INPP1: variants seen among roughly 807,000 people sequenced by gnomAD.
INPP1 encodes the protein inositol polyphosphate-1-phosphatase.
Under a neutral mutation model 23.0 loss-of-function variants are expected in INPP1, and 18 were observed. That is an observed-to-expected ratio of 0.78 (90% CI 0.54 to 1.16). INPP1 has a LOEUF of 1.16. Among genes scored for constraint, INPP1 ranks in the 50% most tolerant of loss-of-function variants. INPP1 has a pLI of 0.00. For missense variants in INPP1, 448 were observed against 482.1 expected (o/e 0.93, Z 0.66); for synonymous variants, 164 against 176.3 (o/e 0.93, Z 0.55).
chr2:190,349,203 C>T (rs56194683), intron 2 of INPP1, among the ~76,000 whole-genome samples, 172 bp downstream of exon 2: 2 of 152,008 alleles, frequency 1.3e-5, no homozygotes, highest in Non-Finnish European at 2.9e-5. Flanking sequence ...TTTGGGAGGC[C>T]GAGGTGGGCA....
Position 190,360,154 on chromosome 2 carries a change from A to G in INPP1, c.52A>G (p.Ile18Val), listed in dbSNP as rs200393365. ...CTGTGTCTCTGAGAAGGCTGCTAAC[A>G]TTGCCCGGGCGTGCAGACAGCAGGA... is the stretch of plus-strand genomic sequence containing the variant. ...LLCVSEKAAN[I>V]ARACRQQEAL... The change falls in exon 3 of 7, where the codon ATT becomes GTT. Residue 18 changes from isoleucine (I) to valine (V), a missense_variant. Ile to Val is a conservative substitution (Grantham distance 29). Transcript: ENST00000392329. 44 of 1,614,092 alleles carry G rather than the reference A, an allele frequency of 2.7e-5. No individual in the cohort carries two copies. The East Asian group carries it at 5.3e-4, about 20-fold the overall frequency.
intron 4 of INPP1, chr2:190,365,014 T>C (rs1458629533): frequency 6.1e-6 from 1 of 164,300 alleles, no homozygotes; most frequent in Non-Finnish European, 1.5e-5. Context: ...TAGGAGTATC[T>C]AAAACGTTCC....
At chr2:190,366,961 G>C in intron 5 of INPP1, 66 bp downstream of exon 5, 4 of 1,037,760 alleles carry the variant, frequency 3.9e-6, no homozygotes, top group Non-Finnish European at 5.9e-6. Context: ...GTTGGGGATG[G>C]GTGTTGGAAA....
intron 6 of INPP1, 33 bp downstream of exon 6, chr2:190,369,310 T>A (rs755560479): frequency 8.4e-6 from 11 of 1,315,176 alleles, no homozygotes; most frequent in Non-Finnish European, 1.2e-5. Flanking sequence ...ATATTATGGT[T>A]GTTAGAACTT....
In INPP1 at chr2:190,358,072, ATTTTTTT is replaced by A. The variant is rs749071988; in HGVS notation, c.-64-1948_-64-1942del. Among the ~76,000 whole-genome samples, 590 of 111,402 alleles carry A rather than the reference ATTTTTTT, an allele frequency of 5.3e-3. 2 individuals are homozygous for A. The highest frequency in any genetic ancestry group is 0.019 in the African/African-American group (535 of 27,800). 73.1% of individuals were successfully genotyped at this position (111,402 alleles called of 152,430 possible). On this transcript the variant is annotated intron_variant, in intron 2 of 6. Transcript: ENST00000392329. ...CAGCCTCCCAGAGTCCATTAAGGGA[ATTTTTTT>A]TTTTTTTTTTTTTTTTTTGAGACAG...
intron 2 of INPP1, among the ~76,000 whole-genome samples, chr2:190,358,166 G>A (rs753410535): frequency 4.3e-5 from 6 of 140,108 alleles, no homozygotes; most frequent in Non-Finnish European, 9.1e-5. Flanking sequence ...TGCAACCTCC[G>A]CCTCCCAGGT....
intron 6 of INPP1, 81 bp from the exon 7 acceptor site, chr2:190,370,763 C>T (rs1416589381): frequency 3.3e-6 from 3 of 909,992 alleles, no homozygotes; most frequent in African/African-American, 1.7e-5. Context: ...TGTATTTCTT[C>T]GTATCATTAA....
At chr2:190,349,993 C>A (rs955137094) in intron 2 of INPP1, among the ~76,000 whole-genome samples, 1 of 152,096 alleles carries the variant, frequency 6.6e-6, no homozygotes, top group African/African-American at 2.4e-5. Context: ...TACAGGCATG[C>A]GCCACCACGC....
chr2:190,346,340 C>T lies in INPP1; in HGVS notation c.-209+2379C>T, dbSNP rs1689214709. Among the ~76,000 whole-genome samples, 1 of 152,176 alleles carries T rather than the reference C, an allele frequency of 6.6e-6. No individual in the cohort carries two copies. Among genetic ancestry groups the T allele is most frequent in the African/African-American group, 2.4e-5 (1 of 41,446 alleles). Reference sequence around the variant, plus strand: ...GATAAAACTTATTAGGACTCCTGTACATAAAATGTTCATATATGGAAACTG... The same window carrying T: ...GATAAAACTTATTAGGACTCCTGTATATAAAATGTTCATATATGGAAACTG... On this transcript the variant is annotated intron_variant, in intron 1 of 6. Coordinates refer to ENST00000392329, the MANE Select transcript of INPP1 (RefSeq NM_001128928.2). The surrounding 1 kb of genome is among the most constrained non-coding windows in gnomAD (Gnocchi z 5.1).
Position 190,370,801 on chromosome 2 carries a change from A to C in INPP1, c.642-43A>C, listed in dbSNP as rs754432897. 21 of 1,433,076 alleles carry C rather than the reference A, an allele frequency of 1.5e-5. No individual in the cohort carries two copies. The South Asian group carries it at 2.2e-4, about 15-fold the overall frequency. The allele number at this position is 1,433,076 out of a possible 1,614,324, so 88.8% of individuals were successfully genotyped here. A position where few individuals can be genotyped will look rare whatever the true frequency, so the allele number is the denominator to read the frequency against. ...TTGAAAGTGACATGAGTAATGAAAA[A>C]CAAATGTGATAATCATCACCAATTG... is the stretch of plus-strand genomic sequence containing the variant. On this transcript the variant is annotated intron_variant, in intron 6 of 6. Coordinates refer to ENST00000392329, the MANE Select transcript of INPP1 (RefSeq NM_001128928.2).
At chr2:190,359,957 A>G in intron 2 of INPP1, 82 bp from the exon 3 acceptor site, 1 of 702,220 alleles carries the variant, frequency 1.4e-6, no homozygotes, top group Admixed American at 2.6e-5. Flanking sequence ...GTTGACTGCC[A>G]AATGGGTTGT....
chr2:190,356,652 T>C lies in INPP1; in HGVS notation c.-64-3387T>C, dbSNP rs1256736795. ...TCGCCTGAGTGTTATTAGGGTGTTATAAGGAGTGTTTCTTGGTTATTCAAC... is the reference window on the plus strand; with the variant it reads ...TCGCCTGAGTGTTATTAGGGTGTTACAAGGAGTGTTTCTTGGTTATTCAAC... On this transcript the variant is annotated intron_variant, in intron 2 of 6. Coordinates refer to ENST00000392329, the MANE Select transcript of INPP1 (RefSeq NM_001128928.2). The surrounding 1 kb of genome is among the most constrained non-coding windows in gnomAD (Gnocchi z 6.4). 1 of 152,202 alleles carries C rather than the reference T, an allele frequency of 6.6e-6. No homozygotes were observed. Among genetic ancestry groups the C allele is most frequent in the Admixed American group, 6.5e-5 (1 of 15,286 alleles). The allele number at this position is 152,202 out of a possible 1,614,324, so 9.4% of individuals were successfully genotyped here. A position where few individuals can be genotyped will look rare whatever the true frequency, so the allele number is the denominator to read the frequency against.
chr2:190,349,243 GC>G (rs2124915213), intron 2 of INPP1, among the ~76,000 whole-genome samples: 1 of 152,264 alleles, frequency 6.6e-6, no homozygotes, highest in South Asian at 2.1e-4. Context: ...TTTGAGACCA[GC>G]CTTGCCAACA....
rs936841373 is a variant in INPP1, at chr2:190,354,230, C to T, written c.-65+5199C>T. ...CTGCCTCACAGATGTTTCTTATTGA[C>T]GACATAAATGGGGAGGAAAACACTA... On this transcript the variant is annotated intron_variant, in intron 2 of 6. Coordinates refer to ENST00000392329, the MANE Select transcript of INPP1 (RefSeq NM_001128928.2). This position sits in a 1 kb window ranked among gnomAD's most constrained non-coding sequence, Gnocchi z 4.8. 1.3e-5 allele frequency among the ~76,000 whole-genome samples: 2 copies of T among 152,104 alleles called. No individual in the cohort carries two copies. The highest frequency in any genetic ancestry group is 2.9e-5 in the Non-Finnish European group (2 of 68,034).
chr2:190,371,074 G>A lies in INPP1; in HGVS notation c.872G>A (p.Gly291Asp). ...GDRIFGAAGAGYKSLCVVQGL... is the reference protein window; with the variant it reads ...GDRIFGAAGADYKSLCVVQGL... ...CGCATATTTGGGGCAGCTGGGGCTGGTTATAAGAGCCTATGTGTTGTCCAA... is the reference window on the plus strand; with the variant it reads ...CGCATATTTGGGGCAGCTGGGGCTGATTATAAGAGCCTATGTGTTGTCCAA... Residue 291 changes from glycine to aspartate, a missense_variant, in exon 7 of 7, where the codon GGT becomes GAT. Gly to Asp is a moderately conservative substitution (Grantham distance 94). Transcript: ENST00000392329. This position sits in a 1 kb window ranked among gnomAD's most constrained non-coding sequence, Gnocchi z 5.3. 2 of 1,614,092 alleles carry A rather than the reference G, an allele frequency of 1.2e-6. No individual in the cohort carries two copies. The highest frequency in any genetic ancestry group is 1.7e-6 in the Non-Finnish European group (2 of 1,180,026).
rs11286107 is a variant in INPP1, at chr2:190,354,948, AT to A, written c.-64-5077del. ...GGGGTGTGTGTGTGTGTGTGTGTGCATTTTTTTTTTTTTTGCTATATAATGT... is the reference window on the plus strand; with the variant it reads ...GGGGTGTGTGTGTGTGTGTGTGTGCATTTTTTTTTTTTTGCTATATAATGT... On this transcript the variant is annotated intron_variant, in intron 2 of 6. Coordinates refer to ENST00000392329, the MANE Select transcript of INPP1 (RefSeq NM_001128928.2). The surrounding 1 kb of genome is among the most constrained non-coding windows in gnomAD (Gnocchi z 4.8). Among the ~76,000 whole-genome samples the A allele has an allele frequency of 0.26, 36,644 of 142,324 alleles. 4,832 individuals are homozygous for A. The highest frequency in any genetic ancestry group is 0.5 in the East Asian group (2,441 of 4,882). The allele number at this position is 142,324 out of a possible 152,430, so 93.4% of individuals were successfully genotyped here. A position where few individuals can be genotyped will look rare whatever the true frequency, so the allele number is the denominator to read the frequency against.
chr2:190,364,321 C>T (rs192231043), intron 4 of INPP1, among the ~76,000 whole-genome samples: 2,366 of 151,982 alleles, frequency 0.016, 36 homozygotes, highest in Non-Finnish European at 0.023. Flanking sequence ...GGGTGGATCA[C>T]AAGGTCAGGA....
Position 190,345,241 on chromosome 2 carries a change from C to T in INPP1, c.-209+1280C>T, listed in dbSNP as rs533323593. Among the ~76,000 whole-genome samples the T allele has an allele frequency of 7.7e-4, 117 of 152,204 alleles. No homozygotes were observed. Among genetic ancestry groups the T allele is most frequent in the Non-Finnish European group, 7.2e-4 (49 of 68,008 alleles). On this transcript the variant is annotated intron_variant, in intron 1 of 6. Transcript: ENST00000392329. This position sits in a 1 kb window ranked among gnomAD's most constrained non-coding sequence, Gnocchi z 4.9. ...GTACTTTTTGTGTAGAATAAGCTAC[C>T]ACTTTTCAAGCTTTTGGACTAAACC...
At chr2:190,369,026 G>A in intron 5 of INPP1, 77 bp from the exon 6 acceptor site, 1 of 814,648 alleles carries the variant, frequency 1.2e-6, no homozygotes, top group Admixed American at 3.0e-5. Context: ...CAAATCAGTA[G>A]AAGAGAGAAG....
Sources: gnomAD v4.1 joint callset for allele counts (sites outside exome capture counted in the v4.1 genomes callset) on GRCh38, gnomAD v4.1.1 for gene constraint, Gnocchi (gnomAD v3.1) non-coding constraint, MANE v1.5 for transcripts, NCBI Gene and HGNC (gene_info 2026-07-23, HGNC 2026-07-21) for gene names.